MTX1: variants seen among roughly 807,000 people sequenced by gnomAD.
The protein encoded by MTX1 is metaxin 1.
MTX1 carries 20 observed loss-of-function variants against 39.4 expected under a neutral mutation model. The ratio of observed to expected loss-of-function variants is 0.51; its 90% CI spans 0.36 to 0.74. The LOEUF is 0.74. Among genes scored for constraint, MTX1 ranks in the 30% least tolerant of loss-of-function variants. MTX1 has a pLI of 0.00. For synonymous variants in MTX1, 209 were observed against 198.6 expected (o/e 1.05, Z -0.44); for missense variants, 481 against 485.9 (o/e 0.99, Z 0.10).
Position 155,209,282 on chromosome 1 carries a change from T to A in MTX1, c.478T>A (p.Ser160Thr). The A allele has an allele frequency of 1.4e-6, 2 of 1,445,144 alleles. No homozygotes were observed. 89.5% of individuals were successfully genotyped at this position (1,445,144 alleles called of 1,614,324 possible). A position where few individuals can be genotyped will look rare whatever the true frequency, so the allele number is the denominator to read the frequency against. The change falls in exon 1 of 8, where the codon TCA (serine) becomes ACA (threonine). Residue 160 changes from serine (S) to threonine (T), a missense_variant. Ser to Thr is a moderately conservative substitution (Grantham distance 58). This residue lies in a region of MTX1 where 368 missense variants were observed against 332.8 expected (regional missense o/e 1.11). Transcript: ENST00000368376. ...GGCGCCCATGGAGCTGTTCTGCTGG[T>A]CAGGGGGCTGGGGGCTGCCGTCAGT... ...MAAPMELFCW[S>T]GGWGLPSVDL...
Position 155,208,760 on chromosome 1 carries a change from C to T in MTX1, c.-45C>T, listed in dbSNP as rs765554307. The T allele has an allele frequency of 3.2e-5, 46 of 1,429,024 alleles. No individual in the cohort carries two copies. The highest frequency in any genetic ancestry group is 3.8e-5 in the Non-Finnish European group (41 of 1,086,262). The allele number at this position is 1,429,024 out of a possible 1,614,324, so 88.5% of individuals were successfully genotyped here. ...CGCCCCTGTTTTGTTTCCATGGCGA[C>T]AGGCGGCGCAGGGCCCGCTCCAAAC... On this transcript the variant is annotated 5_prime_UTR_variant, in exon 1 of 8. Transcript: ENST00000368376.
At chr1:155,212,098 T>G (rs528699443) in intron 3 of MTX1, 29 bp from the exon 4 acceptor site, 1 of 1,573,726 alleles carries the variant, frequency 6.4e-7, no homozygotes, top group African/African-American at 1.3e-5. Flanking sequence ...AGCTCCCTAG[T>G]GTCCACGCCA....
intron 1 of MTX1, 80 bp from the exon 2 acceptor site, chr1:155,210,266 C>A: frequency 8.1e-7 from 1 of 1,237,786 alleles, no homozygotes; most frequent in Admixed American, 1.7e-5. Flanking sequence ...ATAAGGTATT[C>A]AATAAATGTT....
chr1:155,209,593 G>A (rs1671013990), intron 1 of MTX1, among the ~76,000 whole-genome samples: 1 of 152,222 alleles, frequency 6.6e-6, no homozygotes, highest in Non-Finnish European at 1.5e-5. Context: ...CTGGCTGTGT[G>A]ACCTTGCGGA....
chr1:155,212,872 G>C, intron 6 of MTX1, 102 bp downstream of exon 6: 1 of 1,508,098 alleles, frequency 6.6e-7, no homozygotes, highest in South Asian at 1.3e-5. Flanking sequence ...CTCAGGCTCT[G>C]GATAGGAGGT....
rs767683056 is a variant in MTX1 at position 155,212,445 on chromosome 1, G to C, written c.832G>C (p.Glu278Gln). The change falls in exon 5 of 8, where the codon GAG (glutamate) becomes CAG (glutamine). Residue 278 changes from glutamate (E) to glutamine (Q), a missense_variant. Glu to Gln is a conservative substitution (Grantham distance 29). Coordinates refer to ENST00000368376, the MANE Select transcript of MTX1 (RefSeq NM_002455.5). Reference protein sequence around the residue: ...YVEVTRKWYAEAMPFPLNFFL... With the variant: ...YVEVTRKWYAQAMPFPLNFFL... Reference sequence around the variant, plus strand: ...GGAAGTGACCCGGAAGTGGTATGCAGAGGCTATGCCCTTTCCCCTCAACTT... The same window carrying C: ...GGAAGTGACCCGGAAGTGGTATGCACAGGCTATGCCCTTTCCCCTCAACTT... The C allele has an allele frequency of 6.2e-7, 1 of 1,614,050 alleles. No homozygotes were observed. Among genetic ancestry groups the C allele is most frequent in the Non-Finnish European group, 8.5e-7 (1 of 1,180,002 alleles).
chr1:155,209,193 C>T lies in MTX1; in HGVS notation c.389C>T (p.Pro130Leu). ...TIGGAVAGGG[P>L]RQGRAEAHKE... Reference sequence around the variant, plus strand: ...GGAGGGGCGGTGGCGGGGGGCGGGCCCAGGCAGGGGAGGGCAGAAGCACAC... The same window carrying T: ...GGAGGGGCGGTGGCGGGGGGCGGGCTCAGGCAGGGGAGGGCAGAAGCACAC... Residue 130 changes from proline (P) to leucine (L), a missense_variant, in exon 1 of 8, where the codon CCC (proline) becomes CTC (leucine). Pro to Leu is a moderately conservative substitution (Grantham distance 98, BLOSUM62 -3). Coordinates refer to ENST00000368376, the MANE Select transcript of MTX1 (RefSeq NM_002455.5). 1 of 1,472,930 alleles carries T rather than the reference C, an allele frequency of 6.8e-7. No homozygotes were observed. Among genetic ancestry groups the T allele is most frequent in the Non-Finnish European group, 9.0e-7 (1 of 1,110,372 alleles). The allele number at this position is 1,472,930 out of a possible 1,614,324, so 91.2% of individuals were successfully genotyped here.
At chr1:155,210,003 G>A (rs1001170447) in intron 1 of MTX1, among the ~76,000 whole-genome samples, 8 of 152,188 alleles carry the variant, frequency 5.3e-5, no homozygotes, top group Non-Finnish European at 1.2e-4. Context: ...ACAGACCACA[G>A]ATACTGCCAA....
At chr1:155,210,483 G>C (rs766531803) in intron 2 of MTX1, 65 bp from the exon 3 acceptor site, 3 of 1,605,612 alleles carry the variant, frequency 1.9e-6, no homozygotes, top group Non-Finnish European at 1.7e-6. Flanking sequence ...AGGCAGGAAT[G>C]TGTTGCAACT....
In MTX1 at chr1:155,209,076, G is replaced by A. The variant is rs1670943606; in HGVS notation, c.272G>A (p.Arg91His). 2 of 1,539,166 alleles carry A rather than the reference G, an allele frequency of 1.3e-6. No homozygotes were observed. Among genetic ancestry groups the A allele is most frequent in the Non-Finnish European group, 1.8e-6 (2 of 1,141,654 alleles). The change falls in exon 1 of 8, where the codon CGC becomes CAC. Residue 91 changes from arginine (R) to histidine (H), a missense_variant. Around this residue, in one of 2 missense-constraint regions of MTX1, gnomAD observed 368 missense variants for 332.8 expected, o/e 1.11. Coordinates refer to ENST00000368376, the MANE Select transcript of MTX1 (RefSeq NM_002455.5). ...CGGCGGCCGCCCTCCCCCGAGGCCCGCGGCCCAGTCCCCCGCAGTTCAGCT... is the reference window on the plus strand; with the variant it reads ...CGGCGGCCGCCCTCCCCCGAGGCCCACGGCCCAGTCCCCCGCAGTTCAGCT... ...MGRRPPSPEA[R>H]GPVPRSSAAS...
chr1:155,209,612 C>A (rs1671015936), intron 1 of MTX1, among the ~76,000 whole-genome samples: 1 of 152,218 alleles, frequency 6.6e-6, no homozygotes, highest in South Asian at 2.1e-4. Context: ...GAGATCCTTT[C>A]TCTTTGGGCA....
Position 155,208,883 on chromosome 1 carries a change from C to A in MTX1, c.79C>A (p.Gln27Lys). The A allele has an allele frequency of 6.2e-7, 1 of 1,611,702 alleles. No homozygotes were observed. The highest frequency in any genetic ancestry group is 8.5e-7 in the Non-Finnish European group (1 of 1,179,616). ...GCCCTGGAGCAGTACAGGCCACGTG[C>A]AGTTTGGCAAGAGCCCCCAGACCTG... is the stretch of plus-strand genomic sequence containing the variant. Reference protein sequence around the residue: ...KGPWSSTGHVQFGKSPQTWPR... With the variant: ...KGPWSSTGHVKFGKSPQTWPR... The change falls in exon 1 of 8, where the codon CAG becomes AAG. Residue 27 changes from glutamine to lysine, a missense_variant. Gln to Lys is a moderately conservative substitution (Grantham distance 53). Around this residue, in one of 2 missense-constraint regions of MTX1, gnomAD observed 368 missense variants for 332.8 expected, o/e 1.11. Transcript: ENST00000368376.
chr1:155,209,099 G>T lies in MTX1; in HGVS notation c.295G>T (p.Ala99Ser). ...CCGCGGCCCAGTCCCCCGCAGTTCA[G>T]CTGCCAGTCGGGCCAGAAGAAGCCT... ...EARGPVPRSS[A>S]ASRARRSLAS... Residue 99 changes from alanine to serine, a missense_variant, in exon 1 of 8, where the codon GCT becomes TCT. Coordinates refer to ENST00000368376, the MANE Select transcript of MTX1 (RefSeq NM_002455.5). 1 of 1,543,180 alleles carries T rather than the reference G, an allele frequency of 6.5e-7. No individual in the cohort carries two copies.
chr1:155,210,568 A>G lies in MTX1; in HGVS notation c.619A>G (p.Thr207Ala), dbSNP rs200633986. ...SPSGTLPALRTSHGEVISVPH... is the reference protein window; with the variant it reads ...SPSGTLPALRASHGEVISVPH... ...ATCAGGAACTCTGCCTGCCCTTCGG[A>G]CCAGTCATGGAGAGGTCATCTCAGT... The change falls in exon 3 of 8, where the codon ACC becomes GCC. Residue 207 changes from threonine to alanine, a missense_variant. Physicochemically the swap from Thr to Ala is moderately conservative, Grantham distance 58. Transcript: ENST00000368376. The G allele has an allele frequency of 3.0e-5, 49 of 1,614,100 alleles. No individual in the cohort carries two copies. In the East Asian group the frequency reaches 1.1e-3, roughly 35 times the overall value.
At chr1:155,210,285 T>C in intron 1 of MTX1, 61 bp from the exon 2 acceptor site, 1 of 1,420,358 alleles carries the variant, frequency 7.0e-7, no homozygotes, top group Non-Finnish European at 9.9e-7. Context: ...TTATTTCTCT[T>C]CTTGATACCA....
rs147593131 is a variant in MTX1, at chr1:155,212,407, C to T, written c.794C>T (p.Thr265Ile). ...PVLVHTFWIDTKNYVEVTRKW... is the reference protein window; with the variant it reads ...PVLVHTFWIDIKNYVEVTRKW... ...CAGGTACATACTTTTTGGATAGACACCAAGAACTACGTGGAAGTGACCCGG... is the reference window on the plus strand; with the variant it reads ...CAGGTACATACTTTTTGGATAGACATCAAGAACTACGTGGAAGTGACCCGG... The change falls in exon 5 of 8, where the codon ACC becomes ATC. Residue 265 changes from threonine to isoleucine, a missense_variant. This residue lies in a region of MTX1 where 113 missense variants were observed against 153.2 expected (regional missense o/e 0.74). Transcript: ENST00000368376. 2 of 1,614,222 alleles carry T rather than the reference C, an allele frequency of 1.2e-6. No homozygotes were observed. The highest frequency in any genetic ancestry group is 1.7e-6 in the Non-Finnish European group (2 of 1,180,048).
At chr1:155,209,895 A>C (rs1054335433) in intron 1 of MTX1, among the ~76,000 whole-genome samples, 3 of 152,284 alleles carry the variant, frequency 2.0e-5, no homozygotes, top group Non-Finnish European at 4.4e-5. Flanking sequence ...TGCCAGGCAA[A>C]GATGAATAAA....
chr1:155,210,318 T>A, intron 1 of MTX1, 28 bp from the exon 2 acceptor site: 4 of 1,605,132 alleles, frequency 2.5e-6, no homozygotes, highest in Non-Finnish European at 3.4e-6. Context: ...TGGCTCTGCC[T>A]CTCTGACTTC....
rs754450710 is a variant in MTX1 at position 155,208,776 on chromosome 1, C to G, written c.-29C>G. ...CCATGGCGACAGGCGGCGCAGGGCC[C>G]GCTCCAAACATAACGCGCTGTGGAA... On this transcript the variant is annotated 5_prime_UTR_variant, in exon 1 of 8. Coordinates refer to ENST00000368376, the MANE Select transcript of MTX1 (RefSeq NM_002455.5). 2 of 1,472,324 alleles carry G rather than the reference C, an allele frequency of 1.4e-6. No individual in the cohort carries two copies. The highest frequency in any genetic ancestry group is 2.6e-5 in the East Asian group (1 of 38,964). The allele number at this position is 1,472,324 out of a possible 1,614,324, so 91.2% of individuals were successfully genotyped here.
Sources: gnomAD v4.1 joint callset for allele counts (sites outside exome capture counted in the v4.1 genomes callset) on GRCh38, gnomAD v4.1.1 for gene constraint, gnomAD v4.1.1 regional missense constraint, MANE v1.5 for transcripts, NCBI Gene and HGNC (gene_info 2026-07-23, HGNC 2026-07-21) for gene names.